The following PXK variants were observed in gnomAD, a reference collection of about 807,000 sequenced individuals.
PXK encodes the protein PX domain-containing protein kinase-like protein.
Under a neutral mutation model 84.7 loss-of-function variants are expected in PXK, and 35 were observed. The observed-to-expected ratio is 0.41, with a 90% confidence interval of 0.32 to 0.55. PXK has a LOEUF of 0.55. Ranked by LOEUF, PXK falls within the 20% of genes least tolerant of loss-of-function variation. The pLI is 0.21. For synonymous variants in PXK, 253 were observed against 260.8 expected, an observed-to-expected ratio of 0.97 and a Z score of 0.29; for missense variants, 634 against 699.7, an observed-to-expected ratio of 0.91 and a Z score of 1.06.
At chr3:58,340,097 C>T (rs1232110696) in intron 1 of PXK, among the ~76,000 whole-genome samples, 2 of 150,350 alleles carry the variant, frequency 1.3e-5, no homozygotes, top group Non-Finnish European at 3.0e-5. Context: ...GGATTACAGG[C>T]CCCAGCCACT....
chr3:58,413,974 G>A (rs992720524), intron 17 of PXK: 11 of 152,232 alleles, frequency 7.2e-5, no homozygotes, highest in Admixed American at 2.6e-4. Flanking sequence ...CTGGCTGAGG[G>A]TGGCTACTGG....
intron 17 of PXK, chr3:58,422,973 A>G: frequency 2.0e-6 from 2 of 985,422 alleles, no homozygotes; most frequent in Non-Finnish European, 2.4e-6. Flanking sequence ...TATCAAGTCC[A>G]GATTCCACTG....
Position 58,383,318 on chromosome 3 carries a change from T to A in PXK, c.388+618T>A, listed in dbSNP as rs2098522352. On this transcript the variant is annotated intron_variant, in intron 4 of 17. Transcript: ENST00000356151. The surrounding 1 kb of genome is among the most constrained non-coding windows in gnomAD (Gnocchi z 4.0). ...AAAAGATAATAATAATAATAATTAATCCACAATAACGCATACAGTAATTTT... is the reference window on the plus strand; with the variant it reads ...AAAAGATAATAATAATAATAATTAAACCACAATAACGCATACAGTAATTTT... Among the ~76,000 whole-genome samples, 1 of 152,142 alleles carries A rather than the reference T, an allele frequency of 6.6e-6. No homozygotes were observed. The highest frequency in any genetic ancestry group is 2.4e-5 in the African/African-American group (1 of 41,432).
Position 58,391,209 on chromosome 3 carries a change from G to C in PXK, c.529G>C (p.Val177Leu), listed in dbSNP as rs1265281488. 6.2e-7 allele frequency: 1 copy of C among 1,613,328 alleles called. No homozygotes were observed. The highest frequency in any genetic ancestry group is 8.5e-7 in the Non-Finnish European group (1 of 1,179,370). ...KIKNQPKERL[V>L]LSWADLGPDK... ...TAAAAATCAGCCAAAGGAACGGCTAGTGTTAAGCTGGGTAAGCTAGCTTTT... is the reference window on the plus strand; with the variant it reads ...TAAAAATCAGCCAAAGGAACGGCTACTGTTAAGCTGGGTAAGCTAGCTTTT... The change falls in exon 6 of 18, where the codon GTG (valine) becomes CTG (leucine). Residue 177 changes from valine to leucine, a missense_variant. Transcript: ENST00000356151.
rs145099413 is a variant in PXK, at chr3:58,381,734, A to G, written c.202-780A>G. On this transcript the variant is annotated intron_variant, in intron 3 of 17. Transcript: ENST00000356151. ...TGTGTGAGATGAGGTTAGGATTGTG[A>G]AAGAGAACTTAATCCTCATCTTCCA... is the stretch of plus-strand genomic sequence containing the variant. 2.9e-3 allele frequency among the ~76,000 whole-genome samples: 437 copies of G among 152,238 alleles called. 1 individual carries two copies. Among genetic ancestry groups the G allele is most frequent in the African/African-American group, 0.01 (424 of 41,554 alleles).
chr3:58,412,877 G>T lies in PXK; in HGVS notation c.1466-24G>T, dbSNP rs769809717. 1 of 1,613,760 alleles carries T rather than the reference G, an allele frequency of 6.2e-7. No homozygotes were observed. The highest frequency in any genetic ancestry group is 8.5e-7 in the Non-Finnish European group (1 of 1,179,686). On this transcript the variant is annotated intron_variant, in intron 16 of 17. Transcript: ENST00000356151. This position sits in a 1 kb window ranked among gnomAD's most constrained non-coding sequence, Gnocchi z 6.2. ...AAATGTCTTTCGTTGGTCCCCATGA[G>T]GGTTTCTCTGTGTTTTATCTTAGCA...
At chr3:58,355,544 C>T (rs559736154) in intron 1 of PXK, among the ~76,000 whole-genome samples, 4 of 152,358 alleles carry the variant, frequency 2.6e-5, no homozygotes, top group Admixed American at 2.6e-4. Flanking sequence ...CGTTTTCCTA[C>T]TTAGTTTTCC....
intron 17 of PXK, chr3:58,422,129 G>C (rs116818001): frequency 5.1e-5 from 50 of 985,286 alleles, no homozygotes; most frequent in Admixed American, 6.1e-5. Flanking sequence ...AAGCCCCAAC[G>C]GACCTTTCAG....
chr3:58,395,188 C>G, intron 8 of PXK, 86 bp downstream of exon 8: 1 of 907,516 alleles, frequency 1.1e-6, no homozygotes, highest in East Asian at 2.5e-5. Context: ...ACTCCAGAGG[C>G]TAGGCCCTGA....
At chr3:58,424,670 C>T (rs2062563742) in intron 17 of PXK, 82 bp from the exon 18 acceptor site, 3 of 1,518,896 alleles carry the variant, frequency 2.0e-6, no homozygotes, top group African/African-American at 1.4e-5. Flanking sequence ...CTCACCAGTC[C>T]GTTGTGCTCA....
chr3:58,352,362 A>G (rs1488409516), intron 1 of PXK, among the ~76,000 whole-genome samples: 1 of 152,214 alleles, frequency 6.6e-6, no homozygotes, highest in Non-Finnish European at 1.5e-5. Flanking sequence ...CTCAGATACC[A>G]GAGCCCAAAG....
rs929527056 is a variant in PXK, at chr3:58,407,923, A to G, written c.1231-1001A>G. On this transcript the variant is annotated intron_variant, in intron 13 of 17. Transcript: ENST00000356151. This position sits in a 1 kb window ranked among gnomAD's most constrained non-coding sequence, Gnocchi z 4.3. ...TTTTATTGCCTGTGCTTTTGGTGTC[A>G]TATCCAAGAAATCACTGCCAAATCC... Among the ~76,000 whole-genome samples the G allele has an allele frequency of 6.6e-6, 1 of 152,202 alleles. No individual in the cohort carries two copies. The highest frequency in any genetic ancestry group is 2.4e-5 in the African/African-American group (1 of 41,450).
chr3:58,334,607 C>T (rs1438306951), intron 1 of PXK, among the ~76,000 whole-genome samples: 1 of 152,148 alleles, frequency 6.6e-6, no homozygotes, highest in Non-Finnish European at 1.5e-5. Flanking sequence ...AGGAAGCATT[C>T]ATGATTTCTA....
chr3:58,354,887 G>C (rs2098035553), intron 1 of PXK, among the ~76,000 whole-genome samples: 1 of 152,108 alleles, frequency 6.6e-6, no homozygotes, highest in Non-Finnish European at 1.5e-5. Flanking sequence ...GGAGACTGAG[G>C]CAGGTGGGAT....
chr3:58,409,403 A>G lies in PXK; in HGVS notation c.1309-129A>G. 1.2e-6 allele frequency: 1 copy of G among 863,420 alleles called. No homozygotes were observed. 53.5% of individuals were successfully genotyped at this position (863,420 alleles called of 1,614,324 possible). A position where few individuals can be genotyped will look rare whatever the true frequency, so the allele number is the denominator to read the frequency against. On this transcript the variant is annotated intron_variant, in intron 14 of 17. Coordinates refer to ENST00000356151, the MANE Select transcript of PXK (RefSeq NM_017771.5). This position sits in a 1 kb window ranked among gnomAD's most constrained non-coding sequence, Gnocchi z 4.2. The stretch of plus-strand genomic sequence containing the variant: ...GGCATCCAGACCCGAGCCAGGAAGT[A>G]GACAGCCTGAGCAAGGAAAGATTTT...
intron 1 of PXK, among the ~76,000 whole-genome samples, chr3:58,351,395 T>TTTTGTGTGTGTGTGTG (rs542281716): frequency 7.1e-6 from 1 of 140,582 alleles, no homozygotes; most frequent in African/African-American, 2.7e-5. Context: ...AGCTAGCTAT[T>TTTTGTGTGTGTGTGTG]TGTGTGTGTG....
intron 3 of PXK, among the ~76,000 whole-genome samples, chr3:58,378,411 C>A (rs1052056805): frequency 2.0e-5 from 3 of 151,730 alleles, no homozygotes; most frequent in African/African-American, 7.3e-5. Flanking sequence ...GGCTGATAAC[C>A]AAAGGGTCAC....
Position 58,412,963 on chromosome 3 carries a change from G to T in PXK, c.1528G>T (p.Gly510Trp). The change falls in exon 17 of 18, where the codon GGG (glycine) becomes TGG (tryptophan). Residue 510 changes from glycine to tryptophan, a missense_variant and splice_region_variant. Gly to Trp is a radical substitution (Grantham distance 184). This residue lies in a region of PXK where 273 missense variants were observed against 283.6 expected (regional missense o/e 0.96). Transcript: ENST00000356151. The surrounding 1 kb of genome is among the most constrained non-coding windows in gnomAD (Gnocchi z 6.2). Reference sequence around the variant, plus strand: ...ATCGCCAACTCCACCCTCTACATCAGGTTAGTGATGGAGTAAAGTGACATG... The same window carrying T: ...ATCGCCAACTCCACCCTCTACATCATGTTAGTGATGGAGTAAAGTGACATG... ...PSSPTPPSTS[G>W]ISALPPPPPP... 1 of 1,613,976 alleles carries T rather than the reference G, an allele frequency of 6.2e-7. No homozygotes were observed. The highest frequency in any genetic ancestry group is 8.5e-7 in the Non-Finnish European group (1 of 1,179,870).
rs1042690465 is a variant in PXK, at chr3:58,401,276, C to T, written c.1181+1899C>T. 7.2e-5 allele frequency among the ~76,000 whole-genome samples: 11 copies of T among 152,096 alleles called. No individual in the cohort carries two copies. The highest frequency in any genetic ancestry group is 1.2e-4 in the Non-Finnish European group (8 of 68,022). ...GCCCTGAAGAGCCCTGTGGGGAAAG[C>T]TAATCCTGTCATTTCTACTTGTGAT... On this transcript the variant is annotated intron_variant, in intron 12 of 17. Transcript: ENST00000356151. This position sits in a 1 kb window ranked among gnomAD's most constrained non-coding sequence, Gnocchi z 4.4.
Sources: gnomAD v4.1 joint callset for allele counts (sites outside exome capture counted in the v4.1 genomes callset) on GRCh38, gnomAD v4.1.1 for gene constraint, gnomAD v4.1.1 regional missense constraint, Gnocchi (gnomAD v3.1) non-coding constraint, MANE v1.5 for transcripts, NCBI Gene and HGNC (gene_info 2026-07-23, HGNC 2026-07-21) for gene names.